The following SPG11 variants were observed in gnomAD, a reference collection of about 807,000 sequenced individuals.
SPG11 encodes the protein SPG11 vesicle trafficking associated, spatacsin, also known as spatacsin.
A neutral mutation model predicts 274.0 loss-of-function variants in SPG11; 222 were observed. That is an observed-to-expected ratio of 0.81 (90% CI 0.73 to 0.91). The LOEUF is 0.91. SPG11 is among the 40% of genes least tolerant of loss of function. The pLI is 0.00. For missense variants in SPG11, 3,114 were observed against 2,872.7 expected, an observed-to-expected ratio of 1.08 and a Z score of -1.92; for synonymous variants, 1,144 against 1,039.7, an observed-to-expected ratio of 1.10 and a Z score of -1.93.
At chr15:44,565,784 G>A in intron 38 of SPG11, 70 bp downstream of exon 38, 1 of 1,590,870 alleles carries the variant, frequency 6.3e-7, no homozygotes, top group South Asian at 1.1e-5. Context: ...CCTTACCTCT[G>A]GGTTCCATGA....
Position 44,562,880 on chromosome 15 carries a change from G to C in SPG11, c.*241C>G, listed in dbSNP as rs527843501. On this transcript the variant is annotated 3_prime_UTR_variant, in exon 40 of 40. Transcript: ENST00000261866. ...CTGTCCTGAGGAAGAGGAAGCTTTT[G>C]ATCTTAATACTAGTATCTATATAAA... 2.3e-5 allele frequency: 11 copies of C among 483,576 alleles called. No individual in the cohort carries two copies. The highest frequency in any genetic ancestry group is 7.3e-5 in the East Asian group (2 of 27,296). The allele number at this position is 483,576 out of a possible 1,614,324, so 30.0% of individuals were successfully genotyped here.
Position 44,656,405 on chromosome 15 carries a change from A to G in SPG11, c.869+690T>C, listed in dbSNP as rs143537404. Among the ~76,000 whole-genome samples, 511 of 152,350 alleles carry G rather than the reference A, an allele frequency of 3.4e-3. 3 individuals carry two copies. The highest frequency in any genetic ancestry group is 0.012 in the African/African-American group (490 of 41,584). On this transcript the variant is annotated intron_variant, in intron 4 of 39. Transcript: ENST00000261866. ...TCACAGGGCAGGAGCAAGAGTTTAG[A>G]GTACATGCAAGAAAGTAACTGTATG...
At chr15:44,574,328 G>T (rs76654364) in intron 31 of SPG11, among the ~76,000 whole-genome samples, 2,266 of 152,290 alleles carry the variant, frequency 0.015, 58 homozygotes, top group East Asian at 0.097. Flanking sequence ...ATTATGAAAT[G>T]TAAGAACACC....
intron 27 of SPG11, among the ~76,000 whole-genome samples, chr15:44,589,726 T>C (rs1328749343): frequency 6.6e-6 from 1 of 152,236 alleles, no homozygotes; most frequent in East Asian, 1.9e-4. Context: ...ATGTAAAATA[T>C]TCCTACTTAG....
intron 9 of SPG11, 143 bp from the exon 10 acceptor site, chr15:44,628,987 A>T: frequency 1.1e-6 from 1 of 915,062 alleles, no homozygotes; most frequent in Non-Finnish European, 1.7e-6. Context: ...TTTCCTTTTT[A>T]CAAGTAAGTA....
intron 20 of SPG11, among the ~76,000 whole-genome samples, chr15:44,605,519 G>GA (rs372688156): frequency 6.6e-6 from 1 of 152,276 alleles, no homozygotes; most frequent in African/African-American, 2.4e-5. Flanking sequence ...AAAAATCAGA[G>GA]AAAGTCTTAT....
At chr15:44,658,483 G>T (rs1376705268) in intron 3 of SPG11, among the ~76,000 whole-genome samples, 2 of 148,466 alleles carry the variant, frequency 1.3e-5, no homozygotes, top group African/African-American at 5.0e-5. Flanking sequence ...TTTTAAGACA[G>T]AGTCTCAGTC....
At chr15:44,571,867 T>C (rs1468911186) in intron 33 of SPG11, among the ~76,000 whole-genome samples, 2 of 151,776 alleles carry the variant, frequency 1.3e-5, no homozygotes, top group Non-Finnish European at 2.9e-5. Context: ...TCACAGCTCA[T>C]TGCAATCTCC....
chr15:44,620,160 C>G, intron 15 of SPG11, 30 bp downstream of exon 15: 1 of 1,527,370 alleles, frequency 6.5e-7, no homozygotes, highest in Non-Finnish European at 9.1e-7. Context: ...GTATTCTTCC[C>G]ATTGGGTATT....
At position 44,629,283 on chromosome 15, in the gene SPG11, G is replaced by T; in HGVS notation, c.1841C>A (p.Thr614Lys). 1 of 1,614,086 alleles carries T rather than the reference G, an allele frequency of 6.2e-7. No individual in the cohort carries two copies. The highest frequency in any genetic ancestry group is 8.5e-7 in the Non-Finnish European group (1 of 1,179,938). ...KHFSEQLLNL[T>K]LSFLNNQIKE... ...TATTTGGTTGTTAAGGAAAGACAGTGTAAGATTAAGCAATTGTTCTGAAAA... is the reference window on the plus strand; with the variant it reads ...TATTTGGTTGTTAAGGAAAGACAGTTTAAGATTAAGCAATTGTTCTGAAAA... Residue 614 changes from threonine to lysine, a missense_variant, in exon 9 of 40, where the codon ACA becomes AAA. By Grantham distance (78) the Thr-to-Lys change is moderately conservative (BLOSUM62 -1). Coordinates refer to ENST00000261866, the MANE Select transcript of SPG11 (RefSeq NM_025137.4).
At position 44,585,793 on chromosome 15, in the gene SPG11, G is replaced by A; in HGVS notation, c.4964C>T (p.Ala1655Val). ...LCQILKDTSI[A>V]INHTIITSYS... Reference sequence around the variant, plus strand: ...GCTGGTAATAATTGTATGATTAATGGCTATGGATGTATCCTTCAAAATCTG... The same window carrying A: ...GCTGGTAATAATTGTATGATTAATGACTATGGATGTATCCTTCAAAATCTG... Residue 1655 changes from alanine to valine, a missense_variant, in exon 29 of 40, where the codon GCC becomes GTC. Coordinates refer to ENST00000261866, the MANE Select transcript of SPG11 (RefSeq NM_025137.4). 1 of 1,613,946 alleles carries A rather than the reference G, an allele frequency of 6.2e-7. No homozygotes were observed. Among genetic ancestry groups the A allele is most frequent in the Non-Finnish European group, 8.5e-7 (1 of 1,179,976 alleles).
chr15:44,584,658 T>G, intron 29 of SPG11, 100 bp from the exon 30 acceptor site: 1 of 1,396,240 alleles, frequency 7.2e-7, no homozygotes, highest in South Asian at 1.2e-5. Context: ...GGACAGGGTC[T>G]CAGTCTGTCA....
At chr15:44,567,881 T>G (rs967112344) in intron 35 of SPG11, among the ~76,000 whole-genome samples, 4 of 152,188 alleles carry the variant, frequency 2.6e-5, no homozygotes, top group Non-Finnish European at 5.9e-5. Flanking sequence ...CCTAAAGAGA[T>G]AAGCAGAGAA....
chr15:44,581,291 T>C (rs970196551), intron 30 of SPG11, among the ~76,000 whole-genome samples: 5 of 152,150 alleles, frequency 3.3e-5, no homozygotes, highest in African/African-American at 1.2e-4. Flanking sequence ...ACTGCAGCCT[T>C]ATCCTCCTGG....
chr15:44,577,760 T>C (rs2082570718), intron 30 of SPG11, among the ~76,000 whole-genome samples: 2 of 152,088 alleles, frequency 1.3e-5, no homozygotes, highest in African/African-American at 2.4e-5. Context: ...ACCAGAATTA[T>C]CATTATCCCC....
intron 10 of SPG11, among the ~76,000 whole-genome samples, chr15:44,627,317 C>A (rs944230483): frequency 3.3e-5 from 5 of 152,146 alleles, no homozygotes; most frequent in Non-Finnish European, 7.4e-5. Context: ...CACTCTTAAC[C>A]TAGGGCTTTA....
Position 44,651,996 on chromosome 15 carries a change from A to G in SPG11, c.1008-57T>C, listed in dbSNP as rs566542026. 7 of 1,580,110 alleles carry G rather than the reference A, an allele frequency of 4.4e-6. No individual in the cohort carries two copies. The Admixed American group carries it at 1.3e-4, about 29-fold the overall frequency. ...TGTCACAGTAAAAGGCACTATGTAA[A>G]ACACTAAACCAGGGCAAAGATGTTC... On this transcript the variant is annotated intron_variant, in intron 5 of 39. Transcript: ENST00000261866.
intron 9 of SPG11, among the ~76,000 whole-genome samples, 187 bp from the exon 10 acceptor site, chr15:44,629,031 T>G (rs940469078): frequency 7.2e-5 from 11 of 152,226 alleles, no homozygotes; most frequent in Non-Finnish European, 1.2e-4. Flanking sequence ...TTCCTTTTCT[T>G]GTCCTTCATG....
intron 7 of SPG11, among the ~76,000 whole-genome samples, chr15:44,641,475 C>G (rs1315924291): frequency 6.6e-6 from 1 of 151,684 alleles, no homozygotes; most frequent in Non-Finnish European, 1.5e-5. Context: ...GAATTGGTAT[C>G]TAGAGAATAT....
Sources: allele counts gnomAD v4.1 joint callset (sites outside exome capture counted in the v4.1 genomes callset), GRCh38; gene constraint gnomAD v4.1.1; transcripts MANE v1.5; gene names NCBI Gene and HGNC (gene_info 2026-07-23, HGNC 2026-07-21).